Variants in GDF1 observed in about 807,000 individuals in gnomAD.
GDF1 encodes embryonic growth/differentiation factor 1.
In GDF1, 8 loss-of-function variants were observed where a neutral mutation model predicts 7.4. The observed-to-expected ratio is 1.09, with a 90% CI of 0.64 to 1.96. GDF1 has a LOEUF of 1.96. GDF1 is among the 30% of genes most tolerant of loss of function. GDF1 has a pLI of 0.00. For synonymous variants in GDF1, 311 were observed against 276.7 expected (o/e 1.12, Z -1.23); for missense variants, 574 against 551.5 (o/e 1.04, Z -0.41).
rs1409301380 is a variant in GDF1 at position 18,868,806 on chromosome 19, C to T, written c.910G>A (p.Val304Ile). 6.9e-7 allele frequency: 1 copy of T among 1,454,780 alleles called. No individual in the cohort carries two copies. 90.1% of individuals were successfully genotyped at this position (1,454,780 alleles called of 1,614,324 possible). A position where few individuals can be genotyped will look rare whatever the true frequency, so the allele number is the denominator to read the frequency against. The change falls in exon 8 of 8, where the codon GTC (valine) becomes ATC (isoleucine). Residue 304 changes from valine to isoleucine, a missense_variant. Transcript: ENST00000247005. Reference sequence around the variant, plus strand: ...GGCCCCCCGGACCCCGACAGCGCGACGGGCAGCGCGCACTGACCCTGGCAG... The same window carrying T: ...GGCCCCCCGGACCCCGACAGCGCGATGGGCAGCGCGCACTGACCCTGGCAG... ...NYCQGQCALP[V>I]ALSGSGGPPA...
At chr19:18,874,830 T>A (rs1044069891) in intron 6 of GDF1, among the ~76,000 whole-genome samples, 1 of 152,012 alleles carries the variant, frequency 6.6e-6, no homozygotes, top group Non-Finnish European at 1.5e-5. Context: ...TGGGGTGAGA[T>A]GGGGTGAGGA....
rs767727206 is a variant in GDF1, at chr19:18,880,326, G to C, written c.-623C>G. On this transcript the variant is annotated 5_prime_UTR_variant, in exon 4 of 8. The change creates a new upstream start codon in the 5' untranslated region. Coordinates refer to ENST00000247005, the MANE Select transcript of GDF1 (RefSeq NM_001492.6). ...AAGTCTGCTGCCAAGGCATGCAGCC[G>C]ATGGTAGGAGCCGCCGCGGGACTTG... The C allele has an allele frequency of 3.6e-5, 56 of 1,554,590 alleles. No individual in the cohort carries two copies. The highest frequency in any genetic ancestry group is 1.8e-4 in the Middle Eastern group (1 of 5,410).
chr19:18,879,197 G>A (rs375131559), intron 5 of GDF1, 44 bp downstream of exon 5: 152 of 1,610,900 alleles, frequency 9.4e-5, no homozygotes, highest in Middle Eastern at 1.7e-4. Context: ...GGATTGGGAC[G>A]AGGACGGGAC....
intron 6 of GDF1, among the ~76,000 whole-genome samples, chr19:18,877,618 G>A (rs1555703910): frequency 1.3e-5 from 2 of 152,118 alleles, no homozygotes; most frequent in Admixed American, 6.6e-5. Flanking sequence ...ACAGCATGGT[G>A]GTGCATGCCT....
chr19:18,872,164 G>A (rs571710369), intron 6 of GDF1, among the ~76,000 whole-genome samples: 10 of 152,350 alleles, frequency 6.6e-5, no homozygotes, highest in Admixed American at 6.5e-4. Context: ...CATCCTCGGT[G>A]ATGGGTGCCC....
chr19:18,871,733 C>G (rs899684318), intron 6 of GDF1, among the ~76,000 whole-genome samples: 1 of 152,222 alleles, frequency 6.6e-6, no homozygotes, highest in Non-Finnish European at 1.5e-5. Context: ...CTGTCCCCAT[C>G]CAAGGACTGT....
intron 7 of GDF1, 85 bp downstream of exon 7, chr19:18,869,898 C>T: frequency 1.5e-6 from 2 of 1,369,480 alleles, no homozygotes; most frequent in Non-Finnish European, 2.0e-6. Context: ...CTCGGAGCTG[C>T]TCGGGCATCC....
chr19:18,880,329 G>A lies in GDF1; in HGVS notation c.-626C>T. 3.2e-6 allele frequency: 5 copies of A among 1,555,040 alleles called. No individual in the cohort carries two copies. Among genetic ancestry groups the A allele is most frequent in the Non-Finnish European group, 4.4e-6 (5 of 1,149,390 alleles). ...TCTGCTGCCAAGGCATGCAGCCGAT[G>A]GTAGGAGCCGCCGCGGGACTTGAAG... On this transcript the variant is annotated 5_prime_UTR_variant, in exon 4 of 8. Coordinates refer to ENST00000247005, the MANE Select transcript of GDF1 (RefSeq NM_001492.6).
intron 6 of GDF1, chr19:18,877,956 G>C (rs1248941785): frequency 2.4e-5 from 24 of 982,852 alleles, no homozygotes; most frequent in Non-Finnish European, 2.9e-5. Flanking sequence ...CTACACCCAA[G>C]GCGAATCTGA....
chr19:18,879,206 A>C, intron 5 of GDF1, 35 bp downstream of exon 5: 2 of 1,612,144 alleles, frequency 1.2e-6, no homozygotes, highest in Non-Finnish European at 1.7e-6. Flanking sequence ...CGAGGACGGG[A>C]CCGCCACTGT....
rs953447681 is a variant in GDF1 at position 18,885,460 on chromosome 19, G to A, written c.-913-1193C>T. 6.2e-4 allele frequency among the ~76,000 whole-genome samples: 94 copies of A among 151,130 alleles called. 1 individual carries two copies. Among genetic ancestry groups the A allele is most frequent in the Non-Finnish European group, 8.8e-5 (6 of 67,950 alleles). ...AATCCTCCTGCCTTGGCCTCCCAAA[G>A]TGCTGGGGTTACAGGGATGAGCCAC... On this transcript the variant is annotated intron_variant, in intron 2 of 7. Transcript: ENST00000247005.
At chr19:18,884,415 C>CT in intron 2 of GDF1, 148 bp from the exon 3 acceptor site, 5 of 695,432 alleles carry the variant, frequency 7.2e-6, no homozygotes, top group South Asian at 2.3e-5. Context: ...ATTCCCAATT[C>CT]TATTTTTTTT....
At chr19:18,880,234 G>T in intron 4 of GDF1, 40 bp downstream of exon 4, 1 of 1,512,858 alleles carries the variant, frequency 6.6e-7, no homozygotes, top group Non-Finnish European at 8.9e-7. Flanking sequence ...ACCTCACCAG[G>T]CCACACCTCC....
Position 18,884,187 on chromosome 19 carries a change from A to G in GDF1, c.-833T>C. ...CAGGTGTCCATGTATAGCGTAGCGTAGATGGAGTGGCCATAGAAGCTTCCC... is the reference window on the plus strand; with the variant it reads ...CAGGTGTCCATGTATAGCGTAGCGTGGATGGAGTGGCCATAGAAGCTTCCC... On this transcript the variant is annotated 5_prime_UTR_variant, in exon 3 of 8. Transcript: ENST00000247005. 6.2e-7 allele frequency: 1 copy of G among 1,613,620 alleles called. No individual in the cohort carries two copies. The highest frequency in any genetic ancestry group is 1.6e-4 in the Middle Eastern group (1 of 6,062).
intron 5 of GDF1, 98 bp downstream of exon 5, chr19:18,879,143 C>G (rs1480147871): frequency 1.3e-6 from 2 of 1,589,774 alleles, no homozygotes; most frequent in African/African-American, 2.7e-5. Flanking sequence ...GGGCTGTCTG[C>G]CACCTAACGT....
rs1183054470 is a variant in GDF1, at chr19:18,870,493, G to C, written c.-186C>G. ...GCGGCCCTAGAGGAGCAGAGTTGGA[G>C]GGGGTGGAGGGGCGGCCAAGGACGG... On this transcript the variant is annotated 5_prime_UTR_variant, in exon 7 of 8. Transcript: ENST00000247005. This position sits in a 1 kb window ranked among gnomAD's most constrained non-coding sequence, Gnocchi z 5.1. 10 of 568,008 alleles carry C rather than the reference G, an allele frequency of 1.8e-5. No homozygotes were observed. In the Admixed American group the frequency reaches 2.1e-4, roughly 12 times the overall value. 35.2% of individuals were successfully genotyped at this position (568,008 alleles called of 1,614,324 possible).
rs1481966920 is a variant in GDF1, at chr19:18,868,986, G to C, written c.730C>G (p.Leu244Val). ...CGCGGCCGGGCCAGGGGGTGGCACA[G>C]GCGCGGGTCGAGGGTCACCAGCAGC... ...SLLLVTLDPR[L>V]CHPLARPRRD... Residue 244 changes from leucine to valine, a missense_variant, in exon 8 of 8, where the codon CTG (leucine) becomes GTG (valine). Coordinates refer to ENST00000247005, the MANE Select transcript of GDF1 (RefSeq NM_001492.6). The C allele has an allele frequency of 1.4e-5, 16 of 1,122,880 alleles. No homozygotes were observed. The highest frequency in any genetic ancestry group is 3.8e-4 in the Middle Eastern group (1 of 2,630). 69.6% of individuals were successfully genotyped at this position (1,122,880 alleles called of 1,614,324 possible).
At chr19:18,873,703 G>T (rs1167638144) in intron 6 of GDF1, among the ~76,000 whole-genome samples, 1 of 151,758 alleles carries the variant, frequency 6.6e-6, no homozygotes, top group African/African-American at 2.4e-5. Flanking sequence ...TTAGCCAGGT[G>T]TGGTGTACAC....
Position 18,870,204 on chromosome 19 carries a change from G to A in GDF1, c.104C>T (p.Pro35Leu). Reference sequence around the variant, plus strand: ...TAGAGCCTGGAGCAGGGCGGCGGCTGGGCCTGGGGGCACGGGGGCGCGGGT... The same window carrying A: ...TAGAGCCTGGAGCAGGGCGGCGGCTAGGCCTGGGGGCACGGGGGCGCGGGT... The part of the protein sequence containing the change: ...PLTRAPVPPG[P>L]AAALLQALGL... Residue 35 changes from proline to leucine, a missense_variant, in exon 7 of 8, where the codon CCA becomes CTA. Coordinates refer to ENST00000247005, the MANE Select transcript of GDF1 (RefSeq NM_001492.6). This position sits in a 1 kb window ranked among gnomAD's most constrained non-coding sequence, Gnocchi z 5.1. The A allele has an allele frequency of 6.4e-7, 1 of 1,558,792 alleles. No individual in the cohort carries two copies. The highest frequency in any genetic ancestry group is 8.6e-7 in the Non-Finnish European group (1 of 1,158,652).
Sources: allele counts gnomAD v4.1 joint callset (sites outside exome capture counted in the v4.1 genomes callset), GRCh38; gene constraint gnomAD v4.1.1; non-coding constraint Gnocchi (gnomAD v3.1); transcripts MANE v1.5; gene names NCBI Gene and HGNC (gene_info 2026-07-23, HGNC 2026-07-21).